NRXN1: variants seen among roughly 807,000 people sequenced by gnomAD.
NRXN1 encodes the protein neurexin-1.
A neutral mutation model predicts 150.9 loss-of-function variants in NRXN1; 39 were observed. The observed-to-expected ratio is 0.26, with a 90% CI of 0.20 to 0.34. NRXN1 has a LOEUF of 0.34. Among genes scored for constraint, NRXN1 ranks in the 10% least tolerant of loss-of-function variants. The probability of loss-of-function intolerance (pLI) is 1.00; values close to 1 mark genes in which losing one functional copy is unlikely to be tolerated. For synonymous variants in NRXN1, 924 were observed against 757.0 expected (o/e 1.22, Z -3.62); for missense variants, 1,815 against 1,949.9 (o/e 0.93, Z 1.30).
Position 50,506,383 on chromosome 2 carries a change from T to C in NRXN1, c.2497+112A>G, listed in dbSNP as rs937920324. ...TAGAAAAAAATAGAATAAAAATGGATTGTGTGAATACATTTCAAGTTGTGT... is the reference window on the plus strand; with the variant it reads ...TAGAAAAAAATAGAATAAAAATGGACTGTGTGAATACATTTCAAGTTGTGT... On this transcript the variant is annotated intron_variant, in intron 13 of 22. Coordinates refer to ENST00000401669, the MANE Select transcript of NRXN1 (RefSeq NM_001330078.2). The C allele has an allele frequency of 2.2e-5, 19 of 848,086 alleles. 1 individual carries two copies. The African/African-American group carries it at 2.6e-4, about 12-fold the overall frequency. 52.5% of individuals were successfully genotyped at this position (848,086 alleles called of 1,614,324 possible).
At chr2:50,992,154 C>G (rs954124624) in intron 2 of NRXN1, among the ~76,000 whole-genome samples, 2 of 151,924 alleles carry the variant, frequency 1.3e-5, no homozygotes, top group African/African-American at 2.4e-5. Context: ...AAGGTCTCCT[C>G]CAAAAGCTAG....
intron 18 of NRXN1, among the ~76,000 whole-genome samples, chr2:50,149,846 C>A (rs758686911): frequency 5.9e-5 from 9 of 151,460 alleles, no homozygotes; most frequent in Admixed American, 2.0e-4. Flanking sequence ...ACTTGAGCCC[C>A]CAGAAATAGG....
chr2:50,274,966 C>T (rs1419308256), intron 17 of NRXN1, among the ~76,000 whole-genome samples: 2 of 152,144 alleles, frequency 1.3e-5, no homozygotes, highest in African/African-American at 4.8e-5. Flanking sequence ...AAATTGATGT[C>T]AGATAGCTTA....
intron 18 of NRXN1, chr2:50,199,133 A>C (rs192144105): frequency 6.6e-6 from 1 of 152,290 alleles, no homozygotes; most frequent in East Asian, 1.9e-4. Context: ...ATTTTCGCAG[A>C]AATATTTTGA....
At chr2:51,029,990 TC>T (rs1671229441) in intron 1 of NRXN1, among the ~76,000 whole-genome samples, 1 of 152,148 alleles carries the variant, frequency 6.6e-6, no homozygotes, top group African/African-American at 2.4e-5. Context: ...CTGCAGTGGC[TC>T]CAGGATGCTA....
chr2:50,925,837 G>A, intron 3 of NRXN1, 101 bp downstream of exon 3: 1 of 886,078 alleles, frequency 1.1e-6, no homozygotes, highest in South Asian at 1.5e-5. Context: ...CAAATGTTCA[G>A]AAAGAAGTTC....
intron 2 of NRXN1, among the ~76,000 whole-genome samples, chr2:50,997,109 C>T (rs1231009979): frequency 1.3e-5 from 2 of 152,014 alleles, no homozygotes; most frequent in East Asian, 1.9e-4. Context: ...GCCTGTGATC[C>T]AAGCACTTTG....
chr2:50,594,142 T>C (rs965718040), intron 8 of NRXN1, among the ~76,000 whole-genome samples: 2 of 152,234 alleles, frequency 1.3e-5, no homozygotes, highest in African/African-American at 4.8e-5. Context: ...ATTAAACCTC[T>C]TTCCTTCATA....
At chr2:50,274,399 T>A (rs999534390) in intron 17 of NRXN1, among the ~76,000 whole-genome samples, 2 of 151,456 alleles carry the variant, frequency 1.3e-5, no homozygotes, top group African/African-American at 4.9e-5. Context: ...CTGCTGGGGG[T>A]TGGGGGGCTA....
At chr2:50,942,583 T>C (rs1380880009) in intron 2 of NRXN1, among the ~76,000 whole-genome samples, 1 of 152,202 alleles carries the variant, frequency 6.6e-6, no homozygotes, top group Non-Finnish European at 1.5e-5. Flanking sequence ...GGAGATTATT[T>C]TGGAGCTTTA....
chr2:50,383,657 G>A (rs1462839577), intron 17 of NRXN1, among the ~76,000 whole-genome samples: 1 of 152,092 alleles, frequency 6.6e-6, no homozygotes, highest in Non-Finnish European at 1.5e-5. Flanking sequence ...AGAAAACTAG[G>A]TTAAGAGTGG....
intron 2 of NRXN1, chr2:51,026,501 C>CT: frequency 6.8e-7 from 1 of 1,462,508 alleles, no homozygotes; most frequent in Non-Finnish European, 9.4e-7. Context: ...TTAGGTATGA[C>CT]TTTTGTAGTT....
At chr2:50,212,514 C>T (rs2063107672) in intron 18 of NRXN1, among the ~76,000 whole-genome samples, 1 of 151,416 alleles carries the variant, frequency 6.6e-6, no homozygotes, top group South Asian at 2.1e-4. Flanking sequence ...AGTCCCCAAA[C>T]TTAGAAGTTT....
chr2:50,714,410 T>A (rs937768065), intron 5 of NRXN1, among the ~76,000 whole-genome samples: 2 of 152,112 alleles, frequency 1.3e-5, no homozygotes, highest in Non-Finnish European at 2.9e-5. Flanking sequence ...GACCCTAGCA[T>A]TTAAAAGCTA....
intron 2 of NRXN1, among the ~76,000 whole-genome samples, chr2:50,997,165 A>G (rs942107147): frequency 1.3e-5 from 2 of 151,988 alleles, no homozygotes; most frequent in Admixed American, 6.6e-5. Flanking sequence ...TCCACATTAT[A>G]TTTAAGGAAG....
chr2:50,727,969 C>T (rs1697600758), intron 5 of NRXN1, among the ~76,000 whole-genome samples: 1 of 152,076 alleles, frequency 6.6e-6, no homozygotes, highest in African/African-American at 2.4e-5. Context: ...TTTATCAAGA[C>T]CCATTATTTC....
chr2:50,228,935 G>A (rs1322680985), intron 18 of NRXN1, among the ~76,000 whole-genome samples: 3 of 151,956 alleles, frequency 2.0e-5, no homozygotes, highest in Admixed American at 6.6e-5. Context: ...CCTCCTCTGT[G>A]TTGTCGATAT....
At chr2:50,307,090 T>A (rs1424289074) in intron 17 of NRXN1, among the ~76,000 whole-genome samples, 1 of 152,066 alleles carries the variant, frequency 6.6e-6, no homozygotes, top group Non-Finnish European at 1.5e-5. Flanking sequence ...GTTCAAGCAA[T>A]TCTCCTGCCT....
chr2:50,571,645 T>TG (rs561761765), intron 8 of NRXN1, among the ~76,000 whole-genome samples: 1,896 of 152,156 alleles, frequency 0.012, 20 homozygotes, highest in Middle Eastern at 0.058. Flanking sequence ...TGAAAAATTT[T>TG]GGGGGACAAA....
Sources: gnomAD v4.1 joint callset for allele counts (sites outside exome capture counted in the v4.1 genomes callset) on GRCh38, gnomAD v4.1.1 for gene constraint, MANE v1.5 for transcripts, NCBI Gene and HGNC (gene_info 2026-07-23, HGNC 2026-07-21) for gene names.